Variants in SHISAL1 observed in about 807,000 individuals in gnomAD.
The protein encoded by SHISAL1 is protein shisa-like-1.
A neutral mutation model predicts 22.6 loss-of-function variants in SHISAL1; 9 were observed. The observed-to-expected ratio is 0.40, with a 90% CI of 0.24 to 0.70. The LOEUF (loss-of-function observed/expected upper bound fraction) is 0.70. Among genes scored for constraint, SHISAL1 ranks in the 30% least tolerant of loss-of-function variants. The pLI is 0.39. For missense variants in SHISAL1, 246 were observed against 270.6 expected, an observed-to-expected ratio of 0.91 and a Z score of 0.64; for synonymous variants, 119 against 115.4, an observed-to-expected ratio of 1.03 and a Z score of -0.20.
chr22:44,317,294 C>T (rs987096324), upstream of SHISAL1, among the ~76,000 whole-genome samples: 4 of 152,214 alleles, frequency 2.6e-5, no homozygotes, highest in Non-Finnish European at 5.9e-5. Flanking sequence ...CGAGCAGGGC[C>T]CGGCCAGCCA....
upstream of SHISAL1, among the ~76,000 whole-genome samples, chr22:44,313,410 C>T (rs570233673): frequency 1.2e-4 from 19 of 152,292 alleles, 1 homozygote; most frequent in South Asian, 1.2e-3. Flanking sequence ...AGCTGGGACC[C>T]GAGAGCCCAC....
chr22:44,299,563 G>T lies in SHISAL1; in HGVS notation c.67+1316C>A, dbSNP rs146524661. Reference sequence around the variant, plus strand: ...GGGCGTGGCTTTGGCTTTGCTGTCCGGGGAGCCCTGCCAAGCACCCCCAGA... The same window carrying T: ...GGGCGTGGCTTTGGCTTTGCTGTCCTGGGAGCCCTGCCAAGCACCCCCAGA... On this transcript the variant is annotated intron_variant, in intron 2 of 4. Transcript: ENST00000381176. Among the ~76,000 whole-genome samples, 55 of 152,310 alleles carry T rather than the reference G, an allele frequency of 3.6e-4. No individual in the cohort carries two copies. In the East Asian group the frequency reaches 8.7e-3, roughly 24 times the overall value.
intron 4 of SHISAL1, among the ~76,000 whole-genome samples, chr22:44,277,204 C>T (rs73888965): frequency 0.08 from 12,136 of 152,224 alleles, 1,087 homozygotes; most frequent in African/African-American, 0.19. Context: ...GGCTCACGGA[C>T]GCGATGCCGG....
Position 44,247,640 on chromosome 22 carries a change from T to C in SHISAL1, c.*2045A>G, listed in dbSNP as rs1044066052. 8 of 152,296 alleles carry C rather than the reference T, an allele frequency of 5.3e-5. No homozygotes were observed. The highest frequency in any genetic ancestry group is 1.7e-4 in the African/African-American group (7 of 41,480). 9.4% of individuals were successfully genotyped at this position (152,296 alleles called of 1,614,324 possible). A position where few individuals can be genotyped will look rare whatever the true frequency, so the allele number is the denominator to read the frequency against. ...ACCTGTGTGATCCTGGGCAAGCCACTTGACCCAGCTGAGTCTGTCTTCTTG... is the reference window on the plus strand; with the variant it reads ...ACCTGTGTGATCCTGGGCAAGCCACCTGACCCAGCTGAGTCTGTCTTCTTG... On this transcript the variant is annotated 3_prime_UTR_variant, in exon 5 of 5. Transcript: ENST00000381176.
intron 3 of SHISAL1, among the ~76,000 whole-genome samples, chr22:44,288,356 G>A (rs546174322): frequency 6.6e-6 from 1 of 152,358 alleles, no homozygotes; most frequent in South Asian, 2.1e-4. Context: ...TGCTCCAGGG[G>A]CCAGGCGCGG....
chr22:44,245,527 G>C lies in SHISAL1; in HGVS notation c.*4158C>G, dbSNP rs1374403600. The C allele has an allele frequency of 6.6e-6, 1 of 152,246 alleles. No individual in the cohort carries two copies. The highest frequency in any genetic ancestry group is 1.5e-5 in the Non-Finnish European group (1 of 68,058). The allele number at this position is 152,246 out of a possible 1,614,324, so 9.4% of individuals were successfully genotyped here. A position where few individuals can be genotyped will look rare whatever the true frequency, so the allele number is the denominator to read the frequency against. On this transcript the variant is annotated 3_prime_UTR_variant, in exon 5 of 5. Transcript: ENST00000381176. ...AAAAATTAAAAAATTTTACAAGTCT[G>C]CACCCCCGGGGACCCCGTCTCCTTG... is the stretch of plus-strand genomic sequence containing the variant.
Position 44,263,079 on chromosome 22 carries a change from CTTTTTT to C in SHISAL1, c.*-13400_*-13395del, listed in dbSNP as rs922017518. Among the ~76,000 whole-genome samples, 595 of 88,280 alleles carry C rather than the reference CTTTTTT, an allele frequency of 6.7e-3. 5 individuals carry two copies. Among genetic ancestry groups the C allele is most frequent in the Middle Eastern group, 0.017 (2 of 116 alleles). 57.9% of individuals were successfully genotyped at this position (88,280 alleles called of 152,430 possible). On this transcript the variant is annotated intron_variant, in intron 4 of 4. Coordinates refer to ENST00000381176, the MANE Select transcript of SHISAL1 (RefSeq NM_001099294.2). ...CCTTCACGTATTTTTTTCTTTCTTT[CTTTTTT>C]TTTTTTTTTTTTTTGGAGATGGAGT... is the stretch of plus-strand genomic sequence containing the variant.
chr22:44,320,432 C>T, the SHISAL1 span, among the ~76,000 whole-genome samples: 4 of 152,206 alleles, frequency 2.6e-5, no homozygotes, highest in African/African-American at 7.2e-5. Flanking sequence ...GGAGGAGGTG[C>T]GAGGCCCTGG....
intron 3 of SHISAL1, among the ~76,000 whole-genome samples, 189 bp downstream of exon 3, chr22:44,296,483 A>C (rs1280240854): frequency 6.6e-6 from 1 of 152,176 alleles, no homozygotes; most frequent in Non-Finnish European, 1.5e-5. Flanking sequence ...CTCAGATGAG[A>C]AAGCTGAAAC....
At chr22:44,276,569 T>C (rs1488322482) in intron 4 of SHISAL1, among the ~76,000 whole-genome samples, 1 of 150,676 alleles carries the variant, frequency 6.6e-6, no homozygotes, top group Non-Finnish European at 1.5e-5. Context: ...GGGGTGGGTA[T>C]GGGGTGGATT....
chr22:44,300,855 C>T lies in SHISAL1; in HGVS notation c.67+24G>A, dbSNP rs770777578. On this transcript the variant is annotated intron_variant, in intron 2 of 4. Transcript: ENST00000381176. Reference sequence around the variant, plus strand: ...CCACACCCCCACGTGCCGCCCCCGCCCCCAGCATCCACGGAGGTTTTACCT... The same window carrying T: ...CCACACCCCCACGTGCCGCCCCCGCTCCCAGCATCCACGGAGGTTTTACCT... 2.5e-6 allele frequency: 4 copies of T among 1,610,580 alleles called. No individual in the cohort carries two copies. In the Admixed American group the frequency reaches 6.7e-5, roughly 27 times the overall value.
intron 4 of SHISAL1, among the ~76,000 whole-genome samples, chr22:44,251,580 A>T (rs905244718): frequency 6.6e-6 from 1 of 152,190 alleles, no homozygotes; most frequent in Admixed American, 6.5e-5. Context: ...ACAGTTCCAC[A>T]TGTCTGGGGA....
At chr22:44,318,844 G>C in the SHISAL1 span, among the ~76,000 whole-genome samples, 2 of 152,230 alleles carry the variant, frequency 1.3e-5, no homozygotes, top group Non-Finnish European at 2.9e-5. Flanking sequence ...CCCCAGAGAG[G>C]CTGTCACTCC....
intron 3 of SHISAL1, among the ~76,000 whole-genome samples, chr22:44,289,646 G>A (rs1245329796): frequency 6.6e-6 from 1 of 152,240 alleles, no homozygotes; most frequent in East Asian, 1.9e-4. Flanking sequence ...TTCCTTGTGA[G>A]GTGACCACCC....
chr22:44,328,900 A>G, the SHISAL1 span, among the ~76,000 whole-genome samples: 20 of 152,184 alleles, frequency 1.3e-4, no homozygotes, highest in Admixed American at 4.6e-4. Flanking sequence ...CCGCAGGTCC[A>G]GAAGGCTTCA....
intron 4 of SHISAL1, among the ~76,000 whole-genome samples, chr22:44,261,561 C>T (rs1431336859): frequency 6.6e-6 from 1 of 152,202 alleles, no homozygotes; most frequent in Non-Finnish European, 1.5e-5. Flanking sequence ...CCTCTCTGGG[C>T]CTTATACCAC....
intron 3 of SHISAL1, among the ~76,000 whole-genome samples, chr22:44,296,224 TCTCTGCTCACTGCAACCCTCTGCCTC>T (rs1251886593): frequency 1.4e-5 from 2 of 140,622 alleles, no homozygotes; most frequent in Admixed American, 1.4e-4. Flanking sequence ...AATGGCGCCA[TCTCTGCTCACTGCAACCCTCTGCCTC>T]CTGGGTTCAA....
chr22:44,293,701 C>G (rs1028324078), intron 3 of SHISAL1, among the ~76,000 whole-genome samples: 4 of 152,228 alleles, frequency 2.6e-5, no homozygotes, highest in Non-Finnish European at 5.9e-5. Context: ...CCTCCCCTTC[C>G]TCATCTGTAA....
At chr22:44,311,979 A>C (rs1382822161) in intron 1 of SHISAL1, among the ~76,000 whole-genome samples, 1 of 152,104 alleles carries the variant, frequency 6.6e-6, no homozygotes, top group Non-Finnish European at 1.5e-5. Flanking sequence ...GAATCACTTA[A>C]AGTGTCAGGG....
Sources: gnomAD v4.1 joint callset for allele counts (sites outside exome capture counted in the v4.1 genomes callset) on GRCh38, gnomAD v4.1.1 for gene constraint, MANE v1.5 for transcripts, NCBI Gene and HGNC (gene_info 2026-07-23, HGNC 2026-07-21) for gene names.